Variants in FXR1 observed in about 807,000 individuals in gnomAD.
FXR1 encodes FMR1 autosomal homolog 1.
A neutral mutation model predicts 84.0 loss-of-function variants in FXR1; 15 were observed. The ratio of observed to expected loss-of-function variants is 0.18; its 90% confidence interval spans 0.12 to 0.27. The LOEUF is 0.27. FXR1 is among the 10% of genes least tolerant of loss of function. The pLI, the probability that FXR1 is intolerant of heterozygous loss-of-function variation, is 1.00. For synonymous variants in FXR1, 245 were observed against 250.7 expected (o/e 0.98, Z 0.21); for missense variants, 480 against 774.4 (o/e 0.62, Z 4.51).
At chr3:180,922,171 T>C (rs1016288025) in intron 1 of FXR1, among the ~76,000 whole-genome samples, 2 of 152,176 alleles carry the variant, frequency 1.3e-5, no homozygotes, top group African/African-American at 4.8e-5. Flanking sequence ...TGGATAGATA[T>C]CAAAGAATGG....
chr3:180,961,558 T>C lies in FXR1; in HGVS notation c.1077+4T>C. On this transcript the variant is annotated splice_donor_region_variant and intron_variant, in intron 11 of 16. Transcript: ENST00000357559. Reference sequence around the variant, plus strand: ...GTATCATATTGCCTATCTAAAGGTTTGTATACGGTTCATACTATATTCTGA... The same window carrying C: ...GTATCATATTGCCTATCTAAAGGTTCGTATACGGTTCATACTATATTCTGA... 7.6e-7 allele frequency: 1 copy of C among 1,307,316 alleles called. No homozygotes were observed. Among genetic ancestry groups the C allele is most frequent in the Non-Finnish European group, 1.1e-6 (1 of 901,588 alleles). The allele number at this position is 1,307,316 out of a possible 1,614,324, so 81.0% of individuals were successfully genotyped here.
rs1249282658 is a variant in FXR1 at position 180,978,859 on chromosome 3, G to A, written c.*2567G>A. On this transcript the variant is annotated 3_prime_UTR_variant, in exon 17 of 17. Coordinates refer to ENST00000357559, the MANE Select transcript of FXR1 (RefSeq NM_005087.4). The stretch of plus-strand genomic sequence containing the variant: ...TGACCTGCTTTTCCTGAAGCTTTGG[G>A]AGGCCTAGGATTCTTGCTTTAGGCA... 6.6e-6 allele frequency: 1 copy of A among 152,104 alleles called. No homozygotes were observed. Among genetic ancestry groups the A allele is most frequent in the Non-Finnish European group, 1.5e-5 (1 of 67,996 alleles). 9.4% of individuals were successfully genotyped at this position (152,104 alleles called of 1,614,324 possible). A position where few individuals can be genotyped will look rare whatever the true frequency, so the allele number is the denominator to read the frequency against.
chr3:180,926,856 T>A (rs1313678054), intron 1 of FXR1, among the ~76,000 whole-genome samples: 1 of 152,094 alleles, frequency 6.6e-6, no homozygotes, highest in Non-Finnish European at 1.5e-5. Context: ...GATGAATTAG[T>A]AATCATGGTT....
intron 15 of FXR1, chr3:180,971,045 A>G (rs1207175992): frequency 3.2e-6 from 3 of 925,900 alleles, no homozygotes; most frequent in Non-Finnish European, 4.3e-6. Flanking sequence ...TTTTTGTCAG[A>G]ATAGTTCATG....
At chr3:180,954,868 A>G (rs1722584217) in intron 9 of FXR1, among the ~76,000 whole-genome samples, 1 of 143,960 alleles carries the variant, frequency 6.9e-6, no homozygotes, top group Admixed American at 7.2e-5. Flanking sequence ...TCCATTCTAA[A>G]AAGATTTTTT....
chr3:180,922,783 A>T (rs932409066), intron 1 of FXR1, among the ~76,000 whole-genome samples: 4 of 151,882 alleles, frequency 2.6e-5, no homozygotes, highest in South Asian at 4.2e-4. Context: ...CAGCTAATTT[A>T]AAAAAATTTT....
rs1428216720 is a variant in FXR1 at position 180,919,442 on chromosome 3, GC to G, written c.51+6709del. On this transcript the variant is annotated intron_variant, in intron 1 of 16. Transcript: ENST00000357559. The stretch of plus-strand genomic sequence containing the variant: ...TGGGATTATAGCTGTGTGCCTCCAC[GC>G]CCAGGCAATTTTTGTATTTTTAGTA... Among the ~76,000 whole-genome samples, 6 of 151,338 alleles carry G rather than the reference GC, an allele frequency of 4.0e-5. No individual in the cohort carries two copies. The South Asian group carries it at 1.3e-3, about 32-fold the overall frequency.
chr3:180,917,707 G>T (rs1210331015), intron 1 of FXR1, among the ~76,000 whole-genome samples: 3 of 152,130 alleles, frequency 2.0e-5, no homozygotes, highest in Admixed American at 2.0e-4. Flanking sequence ...CCAGCACTTT[G>T]TGGGGCTGAG....
chr3:180,938,952 G>A (rs1720829106), intron 3 of FXR1, among the ~76,000 whole-genome samples: 1 of 151,644 alleles, frequency 6.6e-6, no homozygotes, highest in Admixed American at 6.6e-5. Context: ...TTGGAGTACA[G>A]TGGCACAATC....
At position 180,977,545 on chromosome 3, in the gene FXR1, T is replaced by C. The variant is rs972331958; in HGVS notation, c.*1253T>C. 6.6e-6 allele frequency: 1 copy of C among 151,350 alleles called. No individual in the cohort carries two copies. Among genetic ancestry groups the C allele is most frequent in the Admixed American group, 6.6e-5 (1 of 15,256 alleles). 9.4% of individuals were successfully genotyped at this position (151,350 alleles called of 1,614,324 possible). A position where few individuals can be genotyped will look rare whatever the true frequency, so the allele number is the denominator to read the frequency against. ...CATATCAGTGACCAAAAATCAGTTA[T>C]TAAACTTTATGTATATATTTTAGCC... On this transcript the variant is annotated 3_prime_UTR_variant, in exon 17 of 17. Transcript: ENST00000357559.
intron 13 of FXR1, among the ~76,000 whole-genome samples, chr3:180,963,430 C>T (rs1234635503): frequency 6.6e-6 from 1 of 151,964 alleles, no homozygotes; most frequent in Non-Finnish European, 1.5e-5. Flanking sequence ...CAGTAAATAC[C>T]TAGTAATGGT....
intron 1 of FXR1, among the ~76,000 whole-genome samples, chr3:180,919,721 T>C (rs561613406): frequency 6.6e-6 from 1 of 152,294 alleles, no homozygotes; most frequent in East Asian, 1.9e-4. Context: ...TTGCCCAGAC[T>C]GGAGTGCAGT....
intron 1 of FXR1, among the ~76,000 whole-genome samples, chr3:180,931,852 C>T (rs551690547): frequency 4.0e-5 from 6 of 150,206 alleles, no homozygotes; most frequent in Non-Finnish European, 8.9e-5. Context: ...GTGATCCTCC[C>T]GCCTCAGCCT....
At chr3:180,936,548 G>A (rs1022068163) in intron 3 of FXR1, among the ~76,000 whole-genome samples, 1 of 152,226 alleles carries the variant, frequency 6.6e-6, no homozygotes, top group African/African-American at 2.4e-5. Flanking sequence ...GATTACAGGT[G>A]TGAGCCACCA....
intron 9 of FXR1, among the ~76,000 whole-genome samples, chr3:180,954,436 TAA>T (rs999616474): frequency 2.0e-5 from 3 of 152,196 alleles, no homozygotes; most frequent in Non-Finnish European, 4.4e-5. Context: ...GGATTATAGT[TAA>T]GTGACAAGAA....
At position 180,935,060 on chromosome 3, in the gene FXR1, C is replaced by CT. The variant is rs1456494253; in HGVS notation, c.105-77dup. On this transcript the variant is annotated intron_variant, in intron 2 of 16. Coordinates refer to ENST00000357559, the MANE Select transcript of FXR1 (RefSeq NM_005087.4). ...TCTTTAGGGAAAGCTAAATGATAAACTAACTTGAAAAAATATGCAACACCA... is the reference window on the plus strand; with the variant it reads ...TCTTTAGGGAAAGCTAAATGATAAACTTAACTTGAAAAAATATGCAACACCA... The CT allele has an allele frequency of 2.1e-5, 14 of 651,864 alleles. No homozygotes were observed. The African/African-American group carries it at 2.4e-4, about 11-fold the overall frequency. The allele number at this position is 651,864 out of a possible 1,614,324, so 40.4% of individuals were successfully genotyped here. A position where few individuals can be genotyped will look rare whatever the true frequency, so the allele number is the denominator to read the frequency against.
intron 10 of FXR1, among the ~76,000 whole-genome samples, chr3:180,960,712 G>C (rs1378053588): frequency 6.6e-6 from 1 of 152,014 alleles, no homozygotes; most frequent in East Asian, 1.9e-4. Flanking sequence ...TGATCCACCT[G>C]CCTCAGCCTC....
chr3:180,951,086 A>C (rs1289078312), intron 7 of FXR1, among the ~76,000 whole-genome samples: 1 of 151,818 alleles, frequency 6.6e-6, no homozygotes, highest in East Asian at 1.9e-4. Context: ...AGCTGGGCTC[A>C]GTGGTGCGTG....
intron 1 of FXR1, among the ~76,000 whole-genome samples, chr3:180,929,403 A>G (rs1313689735): frequency 6.6e-6 from 1 of 152,336 alleles, no homozygotes; most frequent in South Asian, 2.1e-4. Context: ...TTTCAAATGT[A>G]AACATTATTG....
Sources: allele counts gnomAD v4.1 joint callset (sites outside exome capture counted in the v4.1 genomes callset), GRCh38; gene constraint gnomAD v4.1.1; transcripts MANE v1.5; gene names NCBI Gene and HGNC (gene_info 2026-07-23, HGNC 2026-07-21).